Variants in SPICE1 observed in about 807,000 individuals in gnomAD.
SPICE1 encodes spindle and centriole associated protein 1, also known as spindle and centriole-associated protein 1.
SPICE1 carries 75 observed loss-of-function variants against 102.7 expected under a neutral mutation model. The ratio of observed to expected loss-of-function variants is 0.73; its 90% CI spans 0.61 to 0.88. The LOEUF (loss-of-function observed/expected upper bound fraction) is 0.88. Among genes scored for constraint, SPICE1 ranks in the 40% least tolerant of loss-of-function variants. The pLI is 0.00. For missense variants in SPICE1, 979 were observed against 1,020.1 expected (o/e 0.96, Z 0.55); for synonymous variants, 308 against 350.3 (o/e 0.88, Z 1.35).
chr3:113,495,174 T>C (rs1485974599), intron 4 of SPICE1, among the ~76,000 whole-genome samples: 1 of 152,196 alleles, frequency 6.6e-6, no homozygotes, highest in East Asian at 1.9e-4. Flanking sequence ...GGCCACAGGC[T>C]AGAGTAAAAG....
At chr3:113,447,360 A>G (rs2107439292) in intron 16 of SPICE1, among the ~76,000 whole-genome samples, 1 of 152,298 alleles carries the variant, frequency 6.6e-6, no homozygotes, top group Middle Eastern at 3.4e-3. Flanking sequence ...AGTGTGACAA[A>G]TCTATTACAA....
chr3:113,443,761 C>T lies in SPICE1; in HGVS notation c.*1546G>A, dbSNP rs1369580024. On this transcript the variant is annotated 3_prime_UTR_variant, in exon 18 of 18. Transcript: ENST00000295872. ...CTAGTTGTGTGACCTTGAGAAAATA[C>T]CTCCTTGTACCTCAGTTTCCTCATC... 1 of 152,104 alleles carries T rather than the reference C, an allele frequency of 6.6e-6. No homozygotes were observed. Among genetic ancestry groups the T allele is most frequent in the African/African-American group, 2.4e-5 (1 of 41,430 alleles). The allele number at this position is 152,104 out of a possible 1,614,324, so 9.4% of individuals were successfully genotyped here.
rs568296198 is a variant in SPICE1 at position 113,464,369 on chromosome 3, G to A, written c.1287+1284C>T. ...ACTCCTAGGCTCAAGTGATCCTCCTGCCTCAGCCTCCCAAGCAGCTAGGAC... is the reference window on the plus strand; with the variant it reads ...ACTCCTAGGCTCAAGTGATCCTCCTACCTCAGCCTCCCAAGCAGCTAGGAC... On this transcript the variant is annotated intron_variant, in intron 11 of 17. Transcript: ENST00000295872. Among the ~76,000 whole-genome samples the A allele has an allele frequency of 2.7e-5, 4 of 150,352 alleles. No homozygotes were observed. In the South Asian group the frequency reaches 8.4e-4, roughly 32 times the overall value.
intron 7 of SPICE1, among the ~76,000 whole-genome samples, chr3:113,475,811 A>C (rs1228330930): frequency 6.6e-6 from 1 of 152,224 alleles, no homozygotes; most frequent in Non-Finnish European, 1.5e-5. Flanking sequence ...GTCTATGACA[A>C]ACCCACAGCC....
chr3:113,462,831 A>T (rs915780070), intron 11 of SPICE1, among the ~76,000 whole-genome samples: 1 of 152,096 alleles, frequency 6.6e-6, no homozygotes, highest in Admixed American at 6.6e-5. Flanking sequence ...TAAACCCAAG[A>T]CAAATCACGT....
intron 16 of SPICE1, 60 bp from the exon 17 acceptor site, chr3:113,446,736 T>C: frequency 7.5e-7 from 1 of 1,340,770 alleles, no homozygotes; most frequent in Non-Finnish European, 1.1e-6. Context: ...CCTTAAAAGA[T>C]TATGCAAACA....
chr3:113,450,554 T>G, intron 14 of SPICE1, 38 bp from the exon 15 acceptor site: 1 of 1,525,972 alleles, frequency 6.6e-7, no homozygotes, highest in Non-Finnish European at 8.8e-7. Flanking sequence ...AATTGAATAC[T>G]GAATACTGAA....
intron 9 of SPICE1, 31 bp from the exon 10 acceptor site, chr3:113,468,435 G>GGAAAATTTATGGAAAATTTT: frequency 6.3e-7 from 1 of 1,591,504 alleles, no homozygotes; most frequent in Non-Finnish European, 8.6e-7. Context: ...TCTATTTTAA[G>GGAAAATTTATGGAAAATTTT]ACCAGGAAAA....
intron 6 of SPICE1, among the ~76,000 whole-genome samples, chr3:113,490,735 A>G (rs546344538): frequency 9.9e-5 from 15 of 152,270 alleles, no homozygotes; most frequent in African/African-American, 3.4e-4. Flanking sequence ...GTTCCTGCCA[A>G]TATTACCTAA....
At chr3:113,511,728 G>T (rs1937224008) in intron 1 of SPICE1, among the ~76,000 whole-genome samples, 1 of 151,950 alleles carries the variant, frequency 6.6e-6, no homozygotes, top group African/African-American at 2.4e-5. Context: ...GTTTACCTAT[G>T]AAACAAACCT....
intron 1 of SPICE1, among the ~76,000 whole-genome samples, chr3:113,510,493 A>G (rs1230715601): frequency 6.6e-6 from 1 of 152,210 alleles, no homozygotes; most frequent in Non-Finnish European, 1.5e-5. Context: ...CTGATCATCA[A>G]CAAACCTGAC....
At chr3:113,483,696 C>A (rs1936574887) in intron 7 of SPICE1, among the ~76,000 whole-genome samples, 1 of 152,074 alleles carries the variant, frequency 6.6e-6, no homozygotes, top group Non-Finnish European at 1.5e-5. Flanking sequence ...TTTGCATATG[C>A]TGAACCAGCC....
intron 10 of SPICE1, among the ~76,000 whole-genome samples, chr3:113,466,217 T>C (rs6769604): frequency 0.32 from 48,572 of 152,090 alleles, 9,167 homozygotes; most frequent in African/African-American, 0.53. Context: ...GTGACTATAT[T>C]GCCAATTCAA....
At chr3:113,458,511 G>A (rs529315678) in intron 12 of SPICE1, among the ~76,000 whole-genome samples, 3 of 152,332 alleles carry the variant, frequency 2.0e-5, no homozygotes, top group Non-Finnish European at 4.4e-5. Flanking sequence ...CGCTCACTCA[G>A]TGCTCAATGT....
chr3:113,489,043 A>G lies in SPICE1; in HGVS notation c.513T>C (p.Gly171=), dbSNP rs776708435. The G allele has an allele frequency of 1.2e-6, 2 of 1,610,444 alleles. No individual in the cohort carries two copies. The highest frequency in any genetic ancestry group is 8.5e-7 in the Non-Finnish European group (1 of 1,176,938). ...GGCTATTAACAGTTCCTTCTTCTTC[A>G]CCATCTACATCATTAAGAGCCTGTC... ...IEPQALNDVD[G]EEEGTVNSQS... Residue 171 remains glycine (G), a synonymous_variant, in exon 7 of 18, where the codon GGT becomes GGC. Coordinates refer to ENST00000295872, the MANE Select transcript of SPICE1 (RefSeq NM_144718.4).
At position 113,506,883 on chromosome 3, in the gene SPICE1, C is replaced by A. The variant is rs1552433; in HGVS notation, c.1-278G>T. ...GAATGCAGAAATTATGGCCTAAAGC[C>A]GAGAACTAAGACATTCGTCATAAGC... On this transcript the variant is annotated intron_variant, in intron 1 of 17. Transcript: ENST00000295872. 0.32 allele frequency among the ~76,000 whole-genome samples: 48,175 copies of A among 151,928 alleles called. 9,029 individuals are homozygous for A. The highest frequency in any genetic ancestry group is 0.52 in the African/African-American group (21,676 of 41,404).
At position 113,445,176 on chromosome 3, in the gene SPICE1, G is replaced by T; in HGVS notation, c.*131C>A. 1 of 630,568 alleles carries T rather than the reference G, an allele frequency of 1.6e-6. No homozygotes were observed. The allele number at this position is 630,568 out of a possible 1,614,324, so 39.1% of individuals were successfully genotyped here. Reference sequence around the variant, plus strand: ...CAAAAAATAATTGCTTTATTTCTCTGTTTCATTAGTACTAATTCACAGGAT... The same window carrying T: ...CAAAAAATAATTGCTTTATTTCTCTTTTTCATTAGTACTAATTCACAGGAT... On this transcript the variant is annotated 3_prime_UTR_variant, in exon 18 of 18. Transcript: ENST00000295872.
intron 3 of SPICE1, among the ~76,000 whole-genome samples, chr3:113,499,977 C>T (rs1280145156): frequency 6.6e-6 from 1 of 151,780 alleles, no homozygotes; most frequent in Non-Finnish European, 1.5e-5. Context: ...ACTAACTGAG[C>T]ACAATGTAAA....
At position 113,443,070 on chromosome 3, in the gene SPICE1, T is replaced by C. The variant is rs1212985377; in HGVS notation, c.*2237A>G. 6.6e-6 allele frequency: 1 copy of C among 152,204 alleles called. No individual in the cohort carries two copies. Among genetic ancestry groups the C allele is most frequent in the Non-Finnish European group, 1.5e-5 (1 of 68,036 alleles). 9.4% of individuals were successfully genotyped at this position (152,204 alleles called of 1,614,324 possible). A position where few individuals can be genotyped will look rare whatever the true frequency, so the allele number is the denominator to read the frequency against. ...ATTCACTATACAATGTCTTAAAAATTGGAAACATGGGGGAAATAGTGTATT... is the reference window on the plus strand; with the variant it reads ...ATTCACTATACAATGTCTTAAAAATCGGAAACATGGGGGAAATAGTGTATT... On this transcript the variant is annotated 3_prime_UTR_variant, in exon 18 of 18. Transcript: ENST00000295872.
Sources: gnomAD v4.1 joint callset for allele counts (sites outside exome capture counted in the v4.1 genomes callset) on GRCh38, gnomAD v4.1.1 for gene constraint, MANE v1.5 for transcripts, NCBI Gene and HGNC (gene_info 2026-07-23, HGNC 2026-07-21) for gene names.